MEI4: variants seen among roughly 807,000 people sequenced by gnomAD.
The protein encoded by MEI4 is meiosis-specific protein MEI4.
In MEI4, 27 loss-of-function variants were observed where a neutral mutation model predicts 31.4. That is an observed-to-expected ratio of 0.86 (90% CI 0.63 to 1.19). MEI4 has a LOEUF of 1.19. Ranked by LOEUF, MEI4 falls within the 50% of genes most tolerant of loss-of-function variation. The pLI is 0.00. For missense variants in MEI4, 329 were observed against 398.9 expected, an observed-to-expected ratio of 0.82 and a Z score of 1.49; for synonymous variants, 122 against 145.4, an observed-to-expected ratio of 0.84 and a Z score of 1.16.
intron 2 of MEI4, among the ~76,000 whole-genome samples, chr6:77,759,832 C>T (rs1245929399): frequency 6.6e-6 from 1 of 152,094 alleles, no homozygotes. Context: ...ATAAGCCCTT[C>T]CTATAGCCAA....
At position 77,689,332 on chromosome 6, in the gene MEI4, ATTAAT is replaced by A. The variant is rs533729739; in HGVS notation, c.-14-1321_-14-1317del. On this transcript the variant is annotated intron_variant, in intron 1 of 4. Transcript: ENST00000684080. ...TATTCATTTGTATAGTCATACTTTT[ATTAAT>A]TTAACTATTTGTCAGTCCATTTTCA... 4.6e-5 allele frequency among the ~76,000 whole-genome samples: 7 copies of A among 152,142 alleles called. No homozygotes were observed. In the South Asian group the frequency reaches 1.5e-3, roughly 32 times the overall value.
intron 4 of MEI4, among the ~76,000 whole-genome samples, chr6:77,883,234 G>A (rs983303906): frequency 6.6e-6 from 1 of 151,990 alleles, no homozygotes; most frequent in Admixed American, 6.6e-5. Flanking sequence ...TTTTGCATAT[G>A]ATCTGTAATG....
At chr6:77,850,698 G>C (rs1013832801) in intron 4 of MEI4, among the ~76,000 whole-genome samples, 3 of 152,100 alleles carry the variant, frequency 2.0e-5, no homozygotes, top group Non-Finnish European at 4.4e-5. Context: ...AGAAAACCTA[G>C]GCATTACCAT....
At chr6:77,842,210 A>T (rs752431116) in intron 4 of MEI4, among the ~76,000 whole-genome samples, 2 of 152,154 alleles carry the variant, frequency 1.3e-5, no homozygotes, top group Non-Finnish European at 2.9e-5. Context: ...CATACATGTG[A>T]TGTTCTCCAA....
At chr6:77,897,502 AT>A (rs1410622581) in intron 4 of MEI4, among the ~76,000 whole-genome samples, 4 of 53,630 alleles carry the variant, frequency 7.5e-5, no homozygotes, top group African/African-American at 5.6e-4. Flanking sequence ...TATAATGACA[AT>A]TTTTTAAAAT....
At chr6:77,794,696 A>G (rs973471543) in intron 3 of MEI4, among the ~76,000 whole-genome samples, 2 of 149,374 alleles carry the variant, frequency 1.3e-5, no homozygotes, top group African/African-American at 2.5e-5. Context: ...CAATAGATAG[A>G]CCATCCAGAC....
At chr6:77,675,917 G>T (rs1768836515) in intron 1 of MEI4, among the ~76,000 whole-genome samples, 1 of 152,134 alleles carries the variant, frequency 6.6e-6, no homozygotes, top group African/African-American at 2.4e-5. Flanking sequence ...TGTTCTCATG[G>T]CCATTTCAAG....
chr6:77,717,142 A>G (rs1766601332), intron 2 of MEI4, among the ~76,000 whole-genome samples: 2 of 131,334 alleles, frequency 1.5e-5, no homozygotes, highest in African/African-American at 2.9e-5. Context: ...GGTGTTTCTC[A>G]AAGAGGGGGA....
At chr6:77,790,127 C>G (rs1768876099) in intron 3 of MEI4, among the ~76,000 whole-genome samples, 1 of 151,536 alleles carries the variant, frequency 6.6e-6, no homozygotes, top group Non-Finnish European at 1.5e-5. Context: ...AAGCTGGAGA[C>G]TGTCATTCTC....
At chr6:77,658,757 C>T (rs142021721) in intron 1 of MEI4, among the ~76,000 whole-genome samples, 6,579 of 150,316 alleles carry the variant, frequency 0.044, 481 homozygotes, top group African/African-American at 0.15. Context: ...ATACAAGGTC[C>T]GAATAAAAGA....
At chr6:77,745,685 C>G (rs967223983) in intron 2 of MEI4, among the ~76,000 whole-genome samples, 1 of 152,094 alleles carries the variant, frequency 6.6e-6, no homozygotes, top group Non-Finnish European at 1.5e-5. Flanking sequence ...CAGCACCACA[C>G]CACACCTATT....
At chr6:77,652,665 T>C (rs1581990502), upstream of MEI4, among the ~76,000 whole-genome samples, 1 of 152,192 alleles carries the variant, frequency 6.6e-6, no homozygotes. Flanking sequence ...GAGACCGTTA[T>C]CCAGTAATCA....
At chr6:77,914,528 C>G (rs1766499694) in intron 4 of MEI4, among the ~76,000 whole-genome samples, 1 of 151,946 alleles carries the variant, frequency 6.6e-6, no homozygotes, top group Non-Finnish European at 1.5e-5. Flanking sequence ...GGGGATATTT[C>G]ATGTGCTGAT....
Position 77,685,387 on chromosome 6 carries a change from G to A in MEI4, c.-14-5271G>A, listed in dbSNP as rs537362762. ...CCATTTGTCTATGTTTGCTTTGGTT[G>A]CCTGTGCATATGGGGACTTGCTATT... On this transcript the variant is annotated intron_variant, in intron 1 of 4. Transcript: ENST00000684080. Among the ~76,000 whole-genome samples the A allele has an allele frequency of 3.4e-5, 5 of 148,466 alleles. No individual in the cohort carries two copies. The East Asian group carries it at 8.0e-4, about 24-fold the overall frequency.
intron 3 of MEI4, among the ~76,000 whole-genome samples, chr6:77,786,859 G>T (rs1004352051): frequency 5.6e-4 from 85 of 152,154 alleles, no homozygotes; most frequent in African/African-American, 2.0e-3. Context: ...GTGGAAAAAA[G>T]AATATTAACA....
At chr6:77,656,885 T>A (rs896618851) in intron 1 of MEI4, among the ~76,000 whole-genome samples, 1 of 152,210 alleles carries the variant, frequency 6.6e-6, no homozygotes, top group African/African-American at 2.4e-5. Context: ...AAATAGATTT[T>A]AAAAATTACA....
intron 3 of MEI4, among the ~76,000 whole-genome samples, chr6:77,770,779 A>G (rs1381475216): frequency 6.6e-6 from 1 of 152,122 alleles, no homozygotes; most frequent in African/African-American, 2.4e-5. Flanking sequence ...AATCAACTCA[A>G]GACGGACCAA....
chr6:77,908,141 T>A (rs1022163703), intron 4 of MEI4, among the ~76,000 whole-genome samples: 6 of 152,120 alleles, frequency 3.9e-5, no homozygotes, highest in Non-Finnish European at 7.4e-5. Flanking sequence ...GTGCAGAAAC[T>A]CTTTAGATTA....
chr6:77,732,334 G>C (rs1767026542), intron 2 of MEI4, among the ~76,000 whole-genome samples: 1 of 151,934 alleles, frequency 6.6e-6, no homozygotes, highest in Admixed American at 6.6e-5. Flanking sequence ...TCCTTGAAAA[G>C]GTCCTTCACA....
Sources: gnomAD v4.1 joint callset for allele counts (sites outside exome capture counted in the v4.1 genomes callset) on GRCh38, gnomAD v4.1.1 for gene constraint, MANE v1.5 for transcripts, NCBI Gene and HGNC (gene_info 2026-07-23, HGNC 2026-07-21) for gene names.